The following DENND5A variants were observed in gnomAD, a reference collection of about 807,000 sequenced individuals.
DENND5A encodes DENN domain-containing protein 5A.
DENND5A carries 64 observed loss-of-function variants against 140.3 expected under a neutral mutation model. The ratio of observed to expected loss-of-function variants is 0.46; its 90% CI spans 0.37 to 0.56. The LOEUF (loss-of-function observed/expected upper bound fraction) is 0.56. Among genes scored for constraint, DENND5A ranks in the 20% least tolerant of loss-of-function variants. The pLI is 0.00. For missense variants in DENND5A, 1,292 were observed against 1,593.8 expected (o/e 0.81, Z 3.22); for synonymous variants, 605 against 607.7 (o/e 1.00, Z 0.07).
intron 10 of DENND5A, 134 bp from the exon 11 acceptor site, chr11:9,166,101 G>A: frequency 1.4e-6 from 1 of 714,098 alleles, no homozygotes; most frequent in Non-Finnish European, 2.1e-6. Flanking sequence ...TTTTTTTTGA[G>A]ACGAATCTTG....
At chr11:9,213,808 C>CAA (rs3074627) in intron 1 of DENND5A, among the ~76,000 whole-genome samples, 2 of 69,644 alleles carry the variant, frequency 2.9e-5, no homozygotes, top group Admixed American at 2.0e-4. Context: ...CTCCGTCTCC[C>CAA]AAAAAAAAAA....
intron 12 of DENND5A, among the ~76,000 whole-genome samples, chr11:9,158,844 T>C (rs892680155): frequency 2.0e-5 from 3 of 152,216 alleles, no homozygotes; most frequent in African/African-American, 7.2e-5. Context: ...TTCATTGAGA[T>C]ATAATTCATA....
intron 1 of DENND5A, among the ~76,000 whole-genome samples, chr11:9,251,118 G>C (rs1590339274): frequency 7.0e-6 from 1 of 143,702 alleles, no homozygotes; most frequent in East Asian, 2.0e-4. Flanking sequence ...CTGGGCAAGA[G>C]AGTGACACTC....
At chr11:9,242,703 A>AT (rs1564935826) in intron 1 of DENND5A, 2 of 152,184 alleles carry the variant, frequency 1.3e-5, no homozygotes, top group Non-Finnish European at 2.9e-5. Flanking sequence ...TCATCTATGA[A>AT]TAACAGGGAT....
chr11:9,197,908 CT>C (rs1590264007), intron 4 of DENND5A, among the ~76,000 whole-genome samples: 2 of 152,116 alleles, frequency 1.3e-5, no homozygotes, highest in East Asian at 3.9e-4. Context: ...CAGTAAAAGA[CT>C]ACTTTAGATA....
intron 16 of DENND5A, 26 bp from the exon 17 acceptor site, chr11:9,145,841 T>C (rs769286449): frequency 2.1e-5 from 34 of 1,613,604 alleles, no homozygotes; most frequent in African/African-American, 1.1e-4. Flanking sequence ...CACAAAAGTA[T>C]TGAGGAGAAT....
intron 10 of DENND5A, 80 bp from the exon 11 acceptor site, chr11:9,166,047 G>A: frequency 7.7e-7 from 1 of 1,294,488 alleles, no homozygotes; most frequent in South Asian, 1.3e-5. Flanking sequence ...GGTGCCTGAA[G>A]AGGGCATTAT....
At chr11:9,264,246 A>G (rs1185650107) in intron 1 of DENND5A, among the ~76,000 whole-genome samples, 1 of 152,030 alleles carries the variant, frequency 6.6e-6, no homozygotes, top group Non-Finnish European at 1.5e-5. Flanking sequence ...TTCAAATATG[A>G]CTTGAAACGC....
In DENND5A at chr11:9,207,248, T is replaced by C. The variant is rs1461053659; in HGVS notation, c.181+313A>G. ...AAGAAATGAAAAGATGTAAGAACAT[T>C]AACGAAGCAGATTTCAGGGTAAATC... On this transcript the variant is annotated intron_variant, in intron 2 of 22. Transcript: ENST00000328194. The C allele has an allele frequency of 3.1e-5, 15 of 480,310 alleles. No homozygotes were observed. The East Asian group carries it at 7.2e-4, about 23-fold the overall frequency. 29.8% of individuals were successfully genotyped at this position (480,310 alleles called of 1,614,324 possible). A position where few individuals can be genotyped will look rare whatever the true frequency, so the allele number is the denominator to read the frequency against.
intron 22 of DENND5A, 98 bp downstream of exon 22, chr11:9,141,842 C>A: frequency 8.5e-7 from 1 of 1,182,842 alleles, no homozygotes; most frequent in Non-Finnish European, 1.1e-6. Context: ...TCCCTAAGGG[C>A]ACCTGATGAG....
At chr11:9,261,583 G>A (rs1442512459) in intron 1 of DENND5A, among the ~76,000 whole-genome samples, 1 of 152,032 alleles carries the variant, frequency 6.6e-6, no homozygotes. Context: ...TTCAAGACCA[G>A]CCTGGCCAAC....
intron 1 of DENND5A, among the ~76,000 whole-genome samples, chr11:9,235,134 TG>T (rs1264781027): frequency 6.6e-6 from 1 of 152,182 alleles, no homozygotes; most frequent in Non-Finnish European, 1.5e-5. Flanking sequence ...ATTCCATTCT[TG>T]GATATATACA....
At chr11:9,228,121 A>AAC (rs1850610357) in intron 1 of DENND5A, among the ~76,000 whole-genome samples, 1 of 151,130 alleles carries the variant, frequency 6.6e-6, no homozygotes. Context: ...AAAAAAAAAA[A>AAC]AAAAAAAAAA....
At chr11:9,174,696 T>A (rs1485740205) in intron 8 of DENND5A, among the ~76,000 whole-genome samples, 2 of 151,032 alleles carry the variant, frequency 1.3e-5, no homozygotes, top group African/African-American at 4.9e-5. Flanking sequence ...CGAGACCCCA[T>A]CAACATTAAA....
At chr11:9,155,843 CAG>C (rs1318704405) in intron 12 of DENND5A, among the ~76,000 whole-genome samples, 3 of 152,206 alleles carry the variant, frequency 2.0e-5, no homozygotes, top group African/African-American at 7.2e-5. Flanking sequence ...GTGAGGATAA[CAG>C]AGGTTCTTAT....
rs767542743 is a variant in DENND5A, at chr11:9,150,743, C to T, written c.2543G>A (p.Arg848His). Residue 848 changes from arginine to histidine, a missense_variant, in exon 14 of 23, where the codon CGT becomes CAT. This residue lies in a region of DENND5A where 498 missense variants were observed against 689.7 expected (regional missense o/e 0.72). Transcript: ENST00000328194. ...GAGTGAGCTGGCATCAGACTTCCTACGTTCTGAATCAAGAAGTATTCCTAG... is the reference window on the plus strand; with the variant it reads ...GAGTGAGCTGGCATCAGACTTCCTATGTTCTGAATCAAGAAGTATTCCTAG... ...STSGILLDSE[R>H]RKSDASSLMP... 3.2e-5 allele frequency: 51 copies of T among 1,612,912 alleles called. No individual in the cohort carries two copies. The highest frequency in any genetic ancestry group is 1.2e-4 in the South Asian group (11 of 91,026).
intron 21 of DENND5A, 110 bp downstream of exon 21, chr11:9,142,612 T>A: frequency 7.5e-7 from 1 of 1,333,668 alleles, no homozygotes; most frequent in Non-Finnish European, 1.0e-6. Flanking sequence ...GATCTGAGAG[T>A]CACCTAATTT....
intron 1 of DENND5A, among the ~76,000 whole-genome samples, chr11:9,219,002 A>G (rs1345494034): frequency 6.6e-6 from 1 of 152,148 alleles, no homozygotes; most frequent in Non-Finnish European, 1.5e-5. Flanking sequence ...ATGAAACTCC[A>G]TCTCAAAAAA....
intron 8 of DENND5A, among the ~76,000 whole-genome samples, chr11:9,177,643 G>C (rs988566561): frequency 3.3e-5 from 5 of 151,102 alleles, no homozygotes; most frequent in South Asian, 2.1e-4. Flanking sequence ...GTGACAGAGA[G>C]AGACCCTGTC....
Sources: allele counts gnomAD v4.1 joint callset (sites outside exome capture counted in the v4.1 genomes callset), GRCh38; gene constraint gnomAD v4.1.1; regional missense constraint gnomAD v4.1.1; transcripts MANE v1.5; gene names NCBI Gene and HGNC (gene_info 2026-07-23, HGNC 2026-07-21).